Variants in HDAC9 observed in about 807,000 individuals in gnomAD.
HDAC9 encodes MEF-2 interacting transcription repressor (MITR) protein.
Under a neutral mutation model 139.4 loss-of-function variants are expected in HDAC9, and 41 were observed. The ratio of observed to expected loss-of-function variants is 0.29; its 90% CI spans 0.23 to 0.38. The LOEUF is 0.38. Among genes scored for constraint, HDAC9 ranks in the 10% least tolerant of loss-of-function variants. The pLI is 1.00. For missense variants in HDAC9, 1,147 were observed against 1,297.0 expected (o/e 0.88, Z 1.78); for synonymous variants, 517 against 476.2 (o/e 1.09, Z -1.12).
chr7:18,157,870 C>T (rs919110748), intron 1 of HDAC9, among the ~76,000 whole-genome samples: 8 of 146,310 alleles, frequency 5.5e-5, no homozygotes, highest in African/African-American at 2.1e-4. Context: ...TCTGATGAAT[C>T]TCTTGGTGTT....
chr7:18,746,097 C>T (rs1340125563), intron 13 of HDAC9, among the ~76,000 whole-genome samples: 1 of 151,258 alleles, frequency 6.6e-6, no homozygotes, highest in Non-Finnish European at 1.5e-5. Context: ...TTTCAAATTC[C>T]TGGGCTCAAG....
chr7:18,288,668 G>A (rs376134333), upstream of HDAC9, among the ~76,000 whole-genome samples: 1 of 152,208 alleles, frequency 6.6e-6, no homozygotes, highest in African/African-American at 2.4e-5. Context: ...TAGTAAAAGC[G>A]GCATTACAAA....
At chr7:18,815,670 A>G (rs1341575422) in intron 17 of HDAC9, among the ~76,000 whole-genome samples, 1 of 152,188 alleles carries the variant, frequency 6.6e-6, no homozygotes, top group Non-Finnish European at 1.5e-5. Flanking sequence ...AGTGCTGTCA[A>G]CAAACTCCCT....
chr7:18,558,464 T>C (rs1156398114), intron 2 of HDAC9, among the ~76,000 whole-genome samples: 3 of 152,186 alleles, frequency 2.0e-5, no homozygotes, highest in African/African-American at 7.2e-5. Flanking sequence ...GCTCACTAAA[T>C]GTATCCACCA....
chr7:18,990,999 C>T (rs565807109), intron 25 of HDAC9, among the ~76,000 whole-genome samples: 14 of 152,214 alleles, frequency 9.2e-5, no homozygotes, highest in East Asian at 5.8e-4. Flanking sequence ...AGAAATCACC[C>T]GTCTTCTGCG....
intron 2 of HDAC9, among the ~76,000 whole-genome samples, chr7:18,178,951 G>A (rs1437710217): frequency 6.6e-6 from 1 of 152,058 alleles, no homozygotes; most frequent in East Asian, 1.9e-4. Context: ...ATTAAATTAG[G>A]ATCTTAAACT....
chr7:18,792,712 C>G (rs1309359598), intron 16 of HDAC9, among the ~76,000 whole-genome samples: 4 of 152,168 alleles, frequency 2.6e-5, no homozygotes, highest in African/African-American at 7.2e-5. Flanking sequence ...AGTTAGAAAT[C>G]TTAAGCTTAT....
At chr7:18,492,001 G>A (rs371019908), upstream of HDAC9, among the ~76,000 whole-genome samples, 285 of 152,038 alleles carry the variant, frequency 1.9e-3, 1 homozygote, top group African/African-American at 5.7e-3. Context: ...CTTGGCTCCC[G>A]TAAGTCTCTC....
At chr7:18,640,224 C>A (rs191352757) in intron 8 of HDAC9, among the ~76,000 whole-genome samples, 1 of 150,356 alleles carries the variant, frequency 6.7e-6, no homozygotes, top group South Asian at 2.1e-4. Flanking sequence ...ATAGAAAGAC[C>A]CTGTCTCTAC....
intron 22 of HDAC9, among the ~76,000 whole-genome samples, chr7:18,930,441 C>T (rs769209321): frequency 6.6e-6 from 1 of 151,784 alleles, no homozygotes; most frequent in Non-Finnish European, 1.5e-5. Context: ...TATATATGCT[C>T]TAATCTAACA....
intron 22 of HDAC9, among the ~76,000 whole-genome samples, chr7:18,922,083 T>TGGGGGGGG (rs527469781): frequency 2.6e-5 from 2 of 76,236 alleles, no homozygotes; most frequent in Non-Finnish European, 2.4e-5. Flanking sequence ...TGTTGTGGGG[T>TGGGGGGGG]GGGGGGAGGG....
chr7:18,318,465 T>C (rs1799808188), intron 1 of HDAC9, among the ~76,000 whole-genome samples: 1 of 152,170 alleles, frequency 6.6e-6, no homozygotes, highest in Admixed American at 6.5e-5. Flanking sequence ...ATGAATAACT[T>C]CAGTGATACC....
intron 1 of HDAC9, among the ~76,000 whole-genome samples, chr7:18,090,995 T>C (rs965447071): frequency 1.3e-5 from 2 of 152,342 alleles, no homozygotes; most frequent in African/African-American, 4.8e-5. Flanking sequence ...TGATATTGCA[T>C]TATTACACTT....
intron 1 of HDAC9, among the ~76,000 whole-genome samples, chr7:18,487,524 GAGA>G (rs1156671473): frequency 3.9e-5 from 6 of 152,010 alleles, no homozygotes; most frequent in Non-Finnish European, 5.9e-5. Context: ...TCCTGAAGTA[GAGA>G]AGATTCCATA....
intron 2 of HDAC9, among the ~76,000 whole-genome samples, chr7:18,192,115 G>C (rs1025759169): frequency 6.6e-6 from 1 of 152,202 alleles, no homozygotes; most frequent in Non-Finnish European, 1.5e-5. Context: ...GATGAACCCG[G>C]CCGGGGGGCG....
chr7:18,646,870 A>AT (rs1057074498), intron 9 of HDAC9, among the ~76,000 whole-genome samples: 3 of 152,084 alleles, frequency 2.0e-5, no homozygotes, highest in Admixed American at 6.6e-5. Context: ...TCTTAATAGC[A>AT]TTTTTTGTAG....
chr7:18,119,467 A>G (rs188317459), intron 1 of HDAC9, among the ~76,000 whole-genome samples: 1 of 152,310 alleles, frequency 6.6e-6, no homozygotes, highest in African/African-American at 2.4e-5. Flanking sequence ...CGAAGCTACC[A>G]GTTTCTTACC....
At chr7:18,103,984 C>A (rs1783023266) in intron 1 of HDAC9, among the ~76,000 whole-genome samples, 1 of 152,152 alleles carries the variant, frequency 6.6e-6, no homozygotes, top group African/African-American at 2.4e-5. Flanking sequence ...GGATGCCATC[C>A]CATCTCAGGG....
chr7:18,700,278 T>C (rs1783368563), intron 12 of HDAC9, among the ~76,000 whole-genome samples: 1 of 152,252 alleles, frequency 6.6e-6, no homozygotes, highest in South Asian at 2.1e-4. Flanking sequence ...CTAGAATTTC[T>C]GTGAAATGCA....
Sources: gnomAD v4.1 joint callset for allele counts (sites outside exome capture counted in the v4.1 genomes callset) on GRCh38, gnomAD v4.1.1 for gene constraint, MANE v1.5 for transcripts, NCBI Gene and HGNC (gene_info 2026-07-23, HGNC 2026-07-21) for gene names.